Variants in MAP3K3 observed in about 807,000 individuals in gnomAD.
The protein encoded by MAP3K3 is mitogen-activated protein kinase kinase kinase 3, also known as MAP/ERK kinase kinase 3.
MAP3K3 carries 12 observed loss-of-function variants against 80.9 expected under a neutral mutation model. The observed-to-expected ratio is 0.15, with a 90% confidence interval of 0.10 to 0.24. The LOEUF (loss-of-function observed/expected upper bound fraction) is 0.24. Among genes scored for constraint, MAP3K3 ranks in the 10% least tolerant of loss-of-function variants. The pLI is 1.00. For synonymous variants in MAP3K3, 272 were observed against 307.1 expected, an observed-to-expected ratio of 0.89 and a Z score of 1.19; for missense variants, 596 against 834.7, an observed-to-expected ratio of 0.71 and a Z score of 3.52.
intron 6 of MAP3K3, 147 bp downstream of exon 6, chr17:63,667,207 AG>A (rs1440047962): frequency 1.4e-5 from 13 of 898,182 alleles, no homozygotes; most frequent in Non-Finnish European, 2.0e-5. Flanking sequence ...TATTTTATTT[AG>A]AGAGGAAGGG....
chr17:63,646,131 C>T, intron 3 of MAP3K3, 57 bp downstream of exon 3: 1 of 1,481,442 alleles, frequency 6.8e-7, no homozygotes, highest in African/African-American at 1.4e-5. Flanking sequence ...TCTCAGATAG[C>T]ATTGAGTTCA....
At chr17:63,644,379 A>G (rs2034502050) in intron 2 of MAP3K3, among the ~76,000 whole-genome samples, 1 of 151,864 alleles carries the variant, frequency 6.6e-6, no homozygotes, top group African/African-American at 2.4e-5. Context: ...TACTCACGGC[A>G]CACTTTTTGT....
At chr17:63,661,524 C>T (rs924041424) in intron 5 of MAP3K3, among the ~76,000 whole-genome samples, 1 of 152,216 alleles carries the variant, frequency 6.6e-6, no homozygotes, top group Non-Finnish European at 1.5e-5. Flanking sequence ...TTAGGACTTT[C>T]TAGTCTCAGA....
At position 63,689,093 on chromosome 17, in the gene MAP3K3, C is replaced by G; in HGVS notation, c.871+212C>G. ...AGATGCTGCCACTGGGAACTCTGAC[C>G]TTGTTTGAAGCCAGTGGTGTGCTCC... is the stretch of plus-strand genomic sequence containing the variant. On this transcript the variant is annotated intron_variant, in intron 10 of 15. Coordinates refer to ENST00000361733, the MANE Select transcript of MAP3K3 (RefSeq NM_002401.5). The surrounding 1 kb of genome is among the most constrained non-coding windows in gnomAD (Gnocchi z 4.3). 1.7e-6 allele frequency: 1 copy of G among 595,382 alleles called. No individual in the cohort carries two copies. The highest frequency in any genetic ancestry group is 4.5e-4 in the Middle Eastern group (1 of 2,246). The allele number at this position is 595,382 out of a possible 1,614,324, so 36.9% of individuals were successfully genotyped here.
In MAP3K3 at chr17:63,689,374, G is replaced by C; in HGVS notation, c.872-170G>C. The stretch of plus-strand genomic sequence containing the variant: ...ACAGCAGCCTCTGTGGAATGAGTCA[G>C]GTGGGAGTGCGGACGGGATGGGCTG... On this transcript the variant is annotated intron_variant, in intron 10 of 15. Transcript: ENST00000361733. The surrounding 1 kb of genome is among the most constrained non-coding windows in gnomAD (Gnocchi z 4.3). 1.7e-6 allele frequency: 1 copy of C among 604,644 alleles called. No individual in the cohort carries two copies. Among genetic ancestry groups the C allele is most frequent in the Non-Finnish European group, 2.9e-6 (1 of 342,516 alleles). 37.5% of individuals were successfully genotyped at this position (604,644 alleles called of 1,614,324 possible).
At chr17:63,626,911 A>AAG (rs1208940173) in intron 1 of MAP3K3, among the ~76,000 whole-genome samples, 1 of 152,214 alleles carries the variant, frequency 6.6e-6, no homozygotes, top group Non-Finnish European at 1.5e-5. Flanking sequence ...ATCTATGGAA[A>AAG]AGAGAGAGAG....
chr17:63,685,714 C>G (rs1315326035), intron 8 of MAP3K3, 124 bp downstream of exon 8: 1 of 737,282 alleles, frequency 1.4e-6, no homozygotes, highest in Non-Finnish European at 2.4e-6. Context: ...AAAGCCTTCT[C>G]CTTAATTTCC....
intron 1 of MAP3K3, 47 bp downstream of exon 1, chr17:63,622,810 G>A: frequency 2.2e-6 from 1 of 461,434 alleles, no homozygotes; most frequent in South Asian, 1.6e-5. Flanking sequence ...GCTTCGCGAC[G>A]CCCCGCCCCA....
At chr17:63,654,867 C>G (rs1568134068) in intron 4 of MAP3K3, among the ~76,000 whole-genome samples, 1 of 152,074 alleles carries the variant, frequency 6.6e-6, no homozygotes, top group Non-Finnish European at 1.5e-5. Flanking sequence ...GAAACGCCGT[C>G]TCTGCTGCTG....
intron 4 of MAP3K3, among the ~76,000 whole-genome samples, chr17:63,654,122 G>GCCTCCCA (rs1304344710): frequency 6.6e-6 from 1 of 152,136 alleles, no homozygotes; most frequent in Non-Finnish European, 1.5e-5. Flanking sequence ...GCCTGCCTCA[G>GCCTCCCA]CCTCCCAAAG....
Position 63,688,523 on chromosome 17 carries a change from C to G in MAP3K3, c.711-4C>G, listed in dbSNP as rs758574814. 4.3e-6 allele frequency: 7 copies of G among 1,613,660 alleles called. No individual in the cohort carries two copies. Among genetic ancestry groups the G allele is most frequent in the East Asian group, 4.5e-5 (2 of 44,900 alleles). The stretch of plus-strand genomic sequence containing the variant: ...AGTCTGTTTTTTCTTTTTGTTTTCT[C>G]CAGCCCATCCTTCCGGAAATCACGA... On this transcript the variant is annotated splice_region_variant and splice_polypyrimidine_tract_variant and intron_variant, in intron 8 of 15. Transcript: ENST00000361733.
intron 8 of MAP3K3, among the ~76,000 whole-genome samples, chr17:63,687,830 C>T (rs924790198): frequency 1.0e-4 from 14 of 139,812 alleles, no homozygotes; most frequent in African/African-American, 2.7e-4. Flanking sequence ...CCCAGCTACT[C>T]GGGAGGCTGA....
intron 7 of MAP3K3, among the ~76,000 whole-genome samples, chr17:63,683,796 T>G (rs2035389915): frequency 6.6e-6 from 1 of 152,236 alleles, no homozygotes; most frequent in Non-Finnish European, 1.5e-5. Context: ...TAATTGCATC[T>G]ATTTACTAAT....
At chr17:63,637,845 G>A (rs2034361269) in intron 2 of MAP3K3, among the ~76,000 whole-genome samples, 2 of 152,144 alleles carry the variant, frequency 1.3e-5, no homozygotes, top group Admixed American at 1.3e-4. Context: ...CAGAGTCTGG[G>A]CTCTGGATCT....
chr17:63,685,488 G>A, intron 7 of MAP3K3, 29 bp from the exon 8 acceptor site: 1 of 1,591,022 alleles, frequency 6.3e-7, no homozygotes, highest in Non-Finnish European at 8.6e-7. Context: ...GGCTGGGGGT[G>A]TGGCTTCATT....
At position 63,692,186 on chromosome 17, in the gene MAP3K3, A is replaced by T; in HGVS notation, c.1475-56A>T. 6.3e-7 allele frequency: 1 copy of T among 1,598,646 alleles called. No individual in the cohort carries two copies. Among genetic ancestry groups the T allele is most frequent in the Non-Finnish European group, 8.5e-7 (1 of 1,170,388 alleles). On this transcript the variant is annotated intron_variant, in intron 14 of 15. Coordinates refer to ENST00000361733, the MANE Select transcript of MAP3K3 (RefSeq NM_002401.5). The surrounding 1 kb of genome is among the most constrained non-coding windows in gnomAD (Gnocchi z 4.5). ...TCTCAGTGACCCGGGGGTGGGGAGG[A>T]TGGGAGAAAATGCAAGAGGGTCCAG...
chr17:63,658,786 A>G (rs2034825060), intron 5 of MAP3K3, among the ~76,000 whole-genome samples: 1 of 149,294 alleles, frequency 6.7e-6, no homozygotes. Flanking sequence ...CCAGGCTGGA[A>G]TGCAATGGTG....
At chr17:63,645,835 G>T (rs533110456) in intron 2 of MAP3K3, among the ~76,000 whole-genome samples, 199 bp from the exon 3 acceptor site, 99 of 152,282 alleles carry the variant, frequency 6.5e-4, no homozygotes, top group African/African-American at 2.3e-3. Context: ...TAAGAGCTTT[G>T]TTGTCCCTGA....
At chr17:63,688,288 C>T (rs2035502919) in intron 8 of MAP3K3, 1 of 568,874 alleles carries the variant, frequency 1.8e-6, no homozygotes, top group East Asian at 3.0e-5. Context: ...TGCAGCCAGG[C>T]TGGAGTTGGG....
Sources: allele counts gnomAD v4.1 joint callset (sites outside exome capture counted in the v4.1 genomes callset), GRCh38; gene constraint gnomAD v4.1.1; non-coding constraint Gnocchi (gnomAD v3.1); transcripts MANE v1.5; gene names NCBI Gene and HGNC (gene_info 2026-07-23, HGNC 2026-07-21).